Variants in RALGAPA2 observed in about 807,000 individuals in gnomAD.
RALGAPA2 encodes the protein ral GTPase-activating protein subunit alpha-2.
Under a neutral mutation model 230.4 loss-of-function variants are expected in RALGAPA2, and 139 were observed. That is an observed-to-expected ratio of 0.60 (90% CI 0.53 to 0.69). RALGAPA2 has a LOEUF of 0.69. RALGAPA2 is among the 30% of genes least tolerant of loss of function. RALGAPA2 has a pLI of 0.00. For missense variants in RALGAPA2, 2,163 were observed against 2,276.0 expected (o/e 0.95, Z 1.01); for synonymous variants, 847 against 837.8 (o/e 1.01, Z -0.19).
chr20:20,657,293 C>T (rs891598466), intron 3 of RALGAPA2, among the ~76,000 whole-genome samples: 6 of 152,148 alleles, frequency 3.9e-5, no homozygotes, highest in Admixed American at 6.5e-5. Context: ...AATGGCGAGG[C>T]CCTTGTACTA....
chr20:20,550,081 A>T (rs2063881276), intron 23 of RALGAPA2, among the ~76,000 whole-genome samples: 1 of 152,036 alleles, frequency 6.6e-6, no homozygotes, highest in African/African-American at 2.4e-5. Context: ...ATTTTGATGC[A>T]CCCATCACCC....
At chr20:20,635,280 G>T in intron 9 of RALGAPA2, 138 bp downstream of exon 9, 1 of 873,812 alleles carries the variant, frequency 1.1e-6, no homozygotes, top group Non-Finnish European at 1.8e-6. Context: ...ATTACAGACA[G>T]GGTAGGCCAA....
intron 37 of RALGAPA2, among the ~76,000 whole-genome samples, chr20:20,469,681 G>C (rs1050702314): frequency 6.6e-6 from 1 of 152,178 alleles, no homozygotes; most frequent in African/African-American, 2.4e-5. Context: ...CCTGAAACAA[G>C]TTATTTGATG....
intron 31 of RALGAPA2, among the ~76,000 whole-genome samples, chr20:20,517,947 A>G (rs2062923117): frequency 6.6e-6 from 1 of 152,240 alleles, no homozygotes; most frequent in African/African-American, 2.4e-5. Flanking sequence ...CTAGCTTCCT[A>G]GCAATGGATC....
intron 3 of RALGAPA2, among the ~76,000 whole-genome samples, chr20:20,667,309 A>G (rs2067985095): frequency 6.6e-6 from 1 of 152,188 alleles, no homozygotes; most frequent in South Asian, 2.1e-4. Flanking sequence ...GCAATGAAGA[A>G]CAAGAGACCC....
intron 27 of RALGAPA2, among the ~76,000 whole-genome samples, 162 bp from the exon 28 acceptor site, chr20:20,526,524 C>T (rs986793280): frequency 3.3e-5 from 5 of 152,080 alleles, no homozygotes; most frequent in East Asian, 1.9e-4. Context: ...GTTTAGACAT[C>T]GTCACATCAC....
chr20:20,574,348 T>C (rs1420150083), intron 20 of RALGAPA2, among the ~76,000 whole-genome samples: 1 of 152,220 alleles, frequency 6.6e-6, no homozygotes, highest in Non-Finnish European at 1.5e-5. Context: ...AGGCATAGAA[T>C]GTCTTTGTAA....
intron 37 of RALGAPA2, among the ~76,000 whole-genome samples, chr20:20,446,403 A>C (rs1422172478): frequency 3.9e-5 from 6 of 152,222 alleles, no homozygotes; most frequent in Non-Finnish European, 7.3e-5. Flanking sequence ...GAAAGAGGTA[A>C]ATTTTCAAAC....
rs990614480 is a variant in RALGAPA2, at chr20:20,547,439, G to T, written c.3157-607C>A. On this transcript the variant is annotated intron_variant, in intron 23 of 39. Coordinates refer to ENST00000202677, the MANE Select transcript of RALGAPA2 (RefSeq NM_020343.4). Reference sequence around the variant, plus strand: ...AGTAGCCTTTTGCACAGAGTGCAGTGTGAAGAGCATCATCTGCCCCAGACA... The same window carrying T: ...AGTAGCCTTTTGCACAGAGTGCAGTTTGAAGAGCATCATCTGCCCCAGACA... Among the ~76,000 whole-genome samples the T allele has an allele frequency of 5.3e-5, 8 of 152,364 alleles. 1 individual carries two copies. The South Asian group carries it at 8.3e-4, about 16-fold the overall frequency.
intron 3 of RALGAPA2, among the ~76,000 whole-genome samples, chr20:20,660,522 G>GT (rs201021064): frequency 0.019 from 2,768 of 144,292 alleles, 51 homozygotes; most frequent in African/African-American, 0.056. Context: ...GTACAGGCCT[G>GT]TTTTTTTTTT....
intron 27 of RALGAPA2, among the ~76,000 whole-genome samples, chr20:20,528,108 G>A (rs1165949703): frequency 6.6e-6 from 1 of 152,160 alleles, no homozygotes; most frequent in African/African-American, 2.4e-5. Context: ...GGTATGGGTG[G>A]CAAGGCCCAG....
intron 31 of RALGAPA2, among the ~76,000 whole-genome samples, chr20:20,515,037 G>A (rs570413936): frequency 2.0e-5 from 3 of 152,310 alleles, no homozygotes; most frequent in East Asian, 3.9e-4. Context: ...AAATGAGCCT[G>A]TCCAGTCTGG....
At chr20:20,598,795 T>C (rs1172880500) in intron 16 of RALGAPA2, 3 of 456,336 alleles carry the variant, frequency 6.6e-6, no homozygotes, top group African/African-American at 6.0e-5. Flanking sequence ...GTGGACACAG[T>C]TGCTGATAGA....
chr20:20,567,857 TAATAAAATAAAATAAAATAAAATAA>T (rs10525989), intron 23 of RALGAPA2, among the ~76,000 whole-genome samples: 1,954 of 125,494 alleles, frequency 0.016, 25 homozygotes, highest in African/African-American at 0.022. Context: ...AAAAAAGCAA[TAATAAAATAAAATAAAATAAAATAA>T]AATAAAATAA....
intron 30 of RALGAPA2, among the ~76,000 whole-genome samples, chr20:20,523,979 T>C (rs1680762392): frequency 1.3e-5 from 2 of 152,086 alleles, no homozygotes; most frequent in Admixed American, 1.3e-4. Flanking sequence ...TGGGGGGGGA[T>C]GGAGTCTCGC....
intron 10 of RALGAPA2, 99 bp downstream of exon 10, chr20:20,629,264 G>T: frequency 1.1e-6 from 1 of 928,180 alleles, no homozygotes; most frequent in Non-Finnish European, 1.7e-6. Flanking sequence ...TCTATTTGTT[G>T]GCGTGTTACA....
chr20:20,651,172 A>G (rs1269812600), intron 4 of RALGAPA2, among the ~76,000 whole-genome samples: 1 of 152,230 alleles, frequency 6.6e-6, no homozygotes, highest in East Asian at 1.9e-4. Context: ...TTGTACATCA[A>G]CGCACCACAT....
At chr20:20,401,542 G>GATTA (rs2059838511) in intron 38 of RALGAPA2, among the ~76,000 whole-genome samples, 1 of 152,038 alleles carries the variant, frequency 6.6e-6, no homozygotes, top group Non-Finnish European at 1.5e-5. Context: ...AGTGACCGGG[G>GATTA]CAGTGAGGTG....
intron 21 of RALGAPA2, 122 bp from the exon 22 acceptor site, chr20:20,572,068 T>C: frequency 1.5e-6 from 1 of 653,996 alleles, no homozygotes; most frequent in Non-Finnish European, 2.6e-6. Flanking sequence ...AAACCTGTAA[T>C]ATTTACAAGT....
Sources: gnomAD v4.1 joint callset for allele counts (sites outside exome capture counted in the v4.1 genomes callset) on GRCh38, gnomAD v4.1.1 for gene constraint, MANE v1.5 for transcripts, NCBI Gene and HGNC (gene_info 2026-07-23, HGNC 2026-07-21) for gene names.